The following NXN variants were observed in gnomAD, a reference collection of about 807,000 sequenced individuals.
NXN encodes nucleoredoxin.
Under a neutral mutation model 48.6 loss-of-function variants are expected in NXN, and 16 were observed. The ratio of observed to expected loss-of-function variants is 0.33; its 90% confidence interval spans 0.22 to 0.50. The LOEUF (loss-of-function observed/expected upper bound fraction) is 0.50, where lower values mean the gene tolerates loss of function less well. NXN is among the 20% of genes least tolerant of loss of function. NXN has a pLI of 0.98. For missense variants in NXN, 492 were observed against 605.5 expected, an observed-to-expected ratio of 0.81 and a Z score of 1.97; for synonymous variants, 281 against 269.6, an observed-to-expected ratio of 1.04 and a Z score of -0.41.
intron 5 of NXN, among the ~76,000 whole-genome samples, chr17:813,892 G>A (rs762294873): frequency 2.6e-5 from 4 of 151,812 alleles, no homozygotes; most frequent in African/African-American, 4.8e-5. Flanking sequence ...CTTGAACCCG[G>A]GAGGCAGAGG....
intron 1 of NXN, among the ~76,000 whole-genome samples, chr17:901,757 T>A (rs753893981): frequency 6.6e-6 from 1 of 152,194 alleles, no homozygotes; most frequent in Non-Finnish European, 1.5e-5. Flanking sequence ...CGCAGTGCAG[T>A]GGCGCAATCT....
chr17:934,092 T>C (rs1024850065), intron 1 of NXN, among the ~76,000 whole-genome samples: 1 of 152,196 alleles, frequency 6.6e-6, no homozygotes, highest in Non-Finnish European at 1.5e-5. Context: ...ATGCAGACTA[T>C]GGGGAAATTT....
intron 1 of NXN, chr17:905,272 T>C (rs1378834892): frequency 6.6e-6 from 1 of 151,154 alleles, no homozygotes; most frequent in African/African-American, 2.4e-5. Context: ...TATATATATA[T>C]AGATGCCGGG....
intron 1 of NXN, among the ~76,000 whole-genome samples, chr17:868,435 C>G (rs2068115526): frequency 1.3e-5 from 2 of 152,204 alleles, no homozygotes; most frequent in Admixed American, 6.5e-5. Flanking sequence ...CGCCTTCGCG[C>G]TCCCCAAGCA....
intron 1 of NXN, among the ~76,000 whole-genome samples, chr17:868,790 T>C (rs543071213): frequency 6.6e-6 from 1 of 152,178 alleles, no homozygotes; most frequent in South Asian, 2.1e-4. Flanking sequence ...CCGCACCCGG[T>C]CGAAACTACC....
chr17:945,076 T>C (rs2069026922), intron 1 of NXN, among the ~76,000 whole-genome samples: 1 of 152,030 alleles, frequency 6.6e-6, no homozygotes, highest in South Asian at 2.1e-4. Flanking sequence ...GGGCAGCAAG[T>C]ATTTCTCTTT....
rs905513357 is a variant in NXN at position 920,273 on chromosome 17, T to C, written c.360+59046A>G. On this transcript the variant is annotated intron_variant, in intron 1 of 7. Coordinates refer to ENST00000336868, the MANE Select transcript of NXN (RefSeq NM_022463.5). This position sits in a 1 kb window ranked among gnomAD's most constrained non-coding sequence, Gnocchi z 4.6. ...ATCTCCCCCCGCCCCTGGCTCCCGC[T>C]TTGACCTGGAGGAATCTGGCAACGT... Among the ~76,000 whole-genome samples the C allele has an allele frequency of 2.6e-5, 4 of 152,122 alleles. No individual in the cohort carries two copies. Among genetic ancestry groups the C allele is most frequent in the African/African-American group, 9.7e-5 (4 of 41,426 alleles).
intron 5 of NXN, among the ~76,000 whole-genome samples, chr17:811,563 G>A (rs1282802826): frequency 6.6e-6 from 1 of 152,200 alleles, no homozygotes; most frequent in Non-Finnish European, 1.5e-5. Flanking sequence ...CAGGAGGTGG[G>A]GGGACGCCAA....
intron 1 of NXN, among the ~76,000 whole-genome samples, chr17:885,672 C>CATTTTTTT (rs2068337416): frequency 1.2e-5 from 1 of 83,750 alleles, no homozygotes; most frequent in Admixed American, 1.2e-4. Context: ...GCGGTACTCG[C>CATTTTTTT]TTTTTTTTTT....
At chr17:931,615 T>C (rs2150597253) in intron 1 of NXN, among the ~76,000 whole-genome samples, 1 of 149,628 alleles carries the variant, frequency 6.7e-6, no homozygotes, top group African/African-American at 2.5e-5. Context: ...GGTGGGCGGA[T>C]CGTGAGGTCA....
intron 7 of NXN, among the ~76,000 whole-genome samples, chr17:802,463 T>C (rs1567806120): frequency 1.3e-5 from 2 of 152,082 alleles, no homozygotes; most frequent in African/African-American, 4.8e-5. Context: ...CCAGGTGAAA[T>C]ATGCGGCTCT....
At chr17:925,427 C>T (rs569190519) in intron 1 of NXN, among the ~76,000 whole-genome samples, 128 of 152,278 alleles carry the variant, frequency 8.4e-4, no homozygotes, top group African/African-American at 3.0e-3. Context: ...TTGCTCTTAT[C>T]ACCCAGGCTG....
chr17:934,425 A>G (rs561087756), intron 1 of NXN, among the ~76,000 whole-genome samples: 22 of 151,172 alleles, frequency 1.5e-4, no homozygotes, highest in African/African-American at 5.1e-4. Flanking sequence ...TAGCCTGGGC[A>G]ACACAACGAG....
intron 1 of NXN, among the ~76,000 whole-genome samples, chr17:957,985 C>T (rs535371132): frequency 6.6e-5 from 10 of 151,420 alleles, no homozygotes; most frequent in Admixed American, 2.0e-4. Context: ...AATGTTTCCA[C>T]GGAGCACGGG....
At chr17:912,412 C>T (rs1422995743) in intron 1 of NXN, among the ~76,000 whole-genome samples, 2 of 152,100 alleles carry the variant, frequency 1.3e-5, no homozygotes, top group Non-Finnish European at 2.9e-5. Flanking sequence ...TGTGTTAAAA[C>T]ACTGCCAAAG....
At chr17:951,175 T>TA (rs59266525) in intron 1 of NXN, among the ~76,000 whole-genome samples, 2 of 56,772 alleles carry the variant, frequency 3.5e-5, no homozygotes, top group African/African-American at 5.9e-5. Context: ...TGTCTCTACT[T>TA]AAAAAAAAAA....
intron 1 of NXN, among the ~76,000 whole-genome samples, chr17:936,469 G>C (rs1005241511): frequency 6.6e-6 from 1 of 151,644 alleles, no homozygotes; most frequent in Non-Finnish European, 1.5e-5. Flanking sequence ...CACACGCCGC[G>C]TGCTGCCACC....
intron 1 of NXN, chr17:896,868 G>A (rs1279838359): frequency 2.5e-6 from 3 of 1,207,494 alleles, no homozygotes; most frequent in African/African-American, 1.7e-5. Context: ...CCCGCCCCCG[G>A]CCCCTCAACA....
At chr17:877,742 G>A (rs2068232988) in intron 1 of NXN, among the ~76,000 whole-genome samples, 1 of 152,218 alleles carries the variant, frequency 6.6e-6, no homozygotes, top group Admixed American at 6.5e-5. Context: ...AACCTTGTGA[G>A]TTAGAGCGAC....
Sources: allele counts gnomAD v4.1 joint callset (sites outside exome capture counted in the v4.1 genomes callset), GRCh38; gene constraint gnomAD v4.1.1; non-coding constraint Gnocchi (gnomAD v3.1); transcripts MANE v1.5; gene names NCBI Gene and HGNC (gene_info 2026-07-23, HGNC 2026-07-21).